RPS29: variants seen among roughly 807,000 people sequenced by gnomAD.
The protein encoded by RPS29 is ribosomal protein S29.
For synonymous variants in RPS29, 37 were observed against 26.9 expected (o/e 1.37, Z -1.16); for missense variants, 60 against 75.7 (o/e 0.79, Z 0.77).
downstream of RPS29, among the ~76,000 whole-genome samples, chr14:49,581,592 C>T (rs1881335121): frequency 6.6e-6 from 1 of 152,156 alleles, no homozygotes; most frequent in Admixed American, 6.6e-5. Flanking sequence ...CCACACCCGG[C>T]TAATTTTCTC....
rs144406824 is a variant in RPS29, at chr14:49,586,329, C to T, written c.18G>A (p.Leu6=). MGHQQ[L]YWSHPRKFGQ... The stretch of plus-strand genomic sequence containing the variant: ...CGAATTTTCGCGGGTGGCTCCAGTA[C>T]AGCTGCTGGTGACCCATCTTGCTCT... Residue 6 remains leucine, a synonymous_variant, in exon 1 of 3, where the codon CTG becomes CTA. Transcript: ENST00000245458. 6.2e-5 allele frequency: 100 copies of T among 1,613,960 alleles called. 1 individual carries two copies. In the African/African-American group the frequency reaches 1.3e-3, roughly 21 times the overall value.
At chr14:49,579,954 T>C (rs1220414674), downstream of RPS29, among the ~76,000 whole-genome samples, 8 of 152,148 alleles carry the variant, frequency 5.3e-5, 1 homozygote, top group South Asian at 1.7e-3. Context: ...ATGATGATAA[T>C]ACCTGCTGAA....
exon 3 of RPS29, chr14:49,574,789 G>GGGTC (rs1356696543): frequency 6.6e-6 from 1 of 152,306 alleles, no homozygotes; most frequent in Admixed American, 6.5e-5. Flanking sequence ...TGGTAAGGAG[G>GGGTC]GGTCACCCAC....
chr14:49,573,260 G>A (rs1881100478), exon 3 of RPS29: 1 of 152,102 alleles, frequency 6.6e-6, no homozygotes, highest in Non-Finnish European at 1.5e-5. Flanking sequence ...TTGAGGTCAG[G>A]AGTTTGAGAC....
chr14:49,593,139 G>T (rs17774889), intron 1 of RPS29, among the ~76,000 whole-genome samples: 3 of 151,956 alleles, frequency 2.0e-5, no homozygotes, highest in African/African-American at 7.3e-5. Flanking sequence ...TGCATGTAAG[G>T]CTGCTGTATT....
At chr14:49,582,011 C>CG (rs1470810597), downstream of RPS29, among the ~76,000 whole-genome samples, 2 of 52,164 alleles carry the variant, frequency 3.8e-5, no homozygotes, top group African/African-American at 7.8e-5. Context: ...ACCCTGCCCC[C>CG]CAAAAAAAAA....
chr14:49,596,510 A>C (rs1295959948), intron 1 of RPS29, among the ~76,000 whole-genome samples: 1 of 152,196 alleles, frequency 6.6e-6, no homozygotes, highest in African/African-American at 2.4e-5. Context: ...AAGTATTTAA[A>C]CCATTAAATT....
At chr14:49,585,921 C>T (rs759478190) in intron 2 of RPS29, 29 bp downstream of exon 2, 1 of 1,566,732 alleles carries the variant, frequency 6.4e-7, no homozygotes, top group South Asian at 1.1e-5. Context: ...TCTGCCCAAA[C>T]AACATGGAGT....
chr14:49,593,425 C>T (rs1284313312), intron 1 of RPS29, among the ~76,000 whole-genome samples: 2 of 152,000 alleles, frequency 1.3e-5, no homozygotes, highest in Admixed American at 6.6e-5. Flanking sequence ...ACATTTTGGC[C>T]GGGCGCAGTG....
downstream of RPS29, among the ~76,000 whole-genome samples, chr14:49,581,187 T>C (rs1454335191): frequency 2.0e-5 from 3 of 151,128 alleles, no homozygotes; most frequent in Non-Finnish European, 2.9e-5. Context: ...CAAAACTCTA[T>C]CTCAAAAAAA....
At chr14:49,594,453 T>TA (rs1192146175) in intron 1 of RPS29, among the ~76,000 whole-genome samples, 5 of 152,196 alleles carry the variant, frequency 3.3e-5, no homozygotes, top group Admixed American at 6.5e-5. Context: ...TCTGAATTGA[T>TA]ACGGCAGTGC....
In RPS29 at chr14:49,593,317, G is replaced by A. The variant is rs78714464; in HGVS notation, c.-133+5083C>T. ...GAAGCCAGGAAGCATATCATCTAGCGGTGAAGATAAGCATTAAATAAGTAA... is the reference window on the plus strand; with the variant it reads ...GAAGCCAGGAAGCATATCATCTAGCAGTGAAGATAAGCATTAAATAAGTAA... On this transcript the variant is annotated intron_variant, in intron 1 of 3. Transcript: ENST00000556230. 2.7e-3 allele frequency among the ~76,000 whole-genome samples: 410 copies of A among 152,270 alleles called. 1 individual carries two copies. The highest frequency in any genetic ancestry group is 9.4e-3 in the African/African-American group (389 of 41,558).
intron 2 of RPS29, among the ~76,000 whole-genome samples, chr14:49,583,936 T>C (rs1881422306): frequency 6.6e-6 from 1 of 152,208 alleles, no homozygotes; most frequent in Non-Finnish European, 1.5e-5. Flanking sequence ...TAAATGATCT[T>C]TACCAAATGC....
chr14:49,594,643 C>T (rs937141895), intron 1 of RPS29, among the ~76,000 whole-genome samples: 26 of 152,328 alleles, frequency 1.7e-4, no homozygotes, highest in African/African-American at 5.5e-4. Flanking sequence ...AAGGAAAGGG[C>T]TCATGTTTGT....
chr14:49,577,874 C>A (rs1239599404), intron 2 of RPS29: 2 of 1,567,990 alleles, frequency 1.3e-6, no homozygotes, highest in East Asian at 2.4e-5. Context: ...AAAAGAGGAC[C>A]CATAAAAAGT....
At chr14:49,579,680 A>C (rs1881282459), downstream of RPS29, among the ~76,000 whole-genome samples, 1 of 152,210 alleles carries the variant, frequency 6.6e-6, no homozygotes, top group African/African-American at 2.4e-5. Context: ...ACAAATGAGG[A>C]CCTATTAATC....
chr14:49,573,921 A>G (rs745435121), exon 3 of RPS29: 1 of 152,238 alleles, frequency 6.6e-6, no homozygotes, highest in Non-Finnish European at 1.5e-5. Flanking sequence ...GACTCAGTCT[A>G]TGAAATTCAA....
chr14:49,583,702 T>C lies in RPS29; in HGVS notation c.163-27A>G, dbSNP rs1401361135. ...TGAAAAAAAAAAAGCAGATGATTTA[T>C]TTCAAAATGCTTTAAATCTCTACTT... On this transcript the variant is annotated intron_variant, in intron 2 of 2. Coordinates refer to ENST00000245458, the MANE Select transcript of RPS29 (RefSeq NM_001032.5). The C allele has an allele frequency of 2.3e-6, 3 of 1,316,862 alleles. No homozygotes were observed. In the African/African-American group the frequency reaches 4.4e-5, roughly 19 times the overall value. The allele number at this position is 1,316,862 out of a possible 1,614,324, so 81.6% of individuals were successfully genotyped here. A position where few individuals can be genotyped will look rare whatever the true frequency, so the allele number is the denominator to read the frequency against.
At chr14:49,592,173 T>C (rs1881727209) in intron 1 of RPS29, 1 of 152,082 alleles carries the variant, frequency 6.6e-6, no homozygotes, top group Admixed American at 6.6e-5. Flanking sequence ...GATTCTTACT[T>C]ATTTTTTAAA....
Sources: allele counts gnomAD v4.1 joint callset (sites outside exome capture counted in the v4.1 genomes callset), GRCh38; gene constraint gnomAD v4.1.1; transcripts MANE v1.5; gene names NCBI Gene and HGNC (gene_info 2026-07-23, HGNC 2026-07-21).